The following RANBP17 variants were observed in gnomAD, a reference collection of about 807,000 sequenced individuals.
RANBP17 encodes the protein ran-binding protein 17.
Under a neutral mutation model 141.2 loss-of-function variants are expected in RANBP17, and 158 were observed. The ratio of observed to expected loss-of-function variants is 1.12; its 90% confidence interval spans 0.98 to 1.28. RANBP17 has a LOEUF of 1.28. Ranked by LOEUF, RANBP17 falls within the 50% of genes most tolerant of loss-of-function variation. RANBP17 has a pLI of 0.00. For synonymous variants in RANBP17, 430 were observed against 450.0 expected (o/e 0.96, Z 0.56); for missense variants, 1,438 against 1,290.7 (o/e 1.11, Z -1.75).
chr5:171,283,726 CAT>C (rs1198892966), intron 25 of RANBP17, among the ~76,000 whole-genome samples: 1 of 152,176 alleles, frequency 6.6e-6, no homozygotes, highest in East Asian at 1.9e-4. Flanking sequence ...AAGCAGTGTG[CAT>C]ATCCATGACA....
At chr5:170,952,176 C>T (rs764385602) in intron 12 of RANBP17, among the ~76,000 whole-genome samples, 11 of 151,992 alleles carry the variant, frequency 7.2e-5, no homozygotes, top group Admixed American at 1.3e-4. Context: ...TATATTGACC[C>T]TAAAACACTG....
intron 14 of RANBP17, among the ~76,000 whole-genome samples, chr5:171,168,666 T>C (rs1370074713): frequency 6.6e-6 from 1 of 152,150 alleles, no homozygotes; most frequent in Non-Finnish European, 1.5e-5. Flanking sequence ...TAGCTCCCTC[T>C]TTCCCCCAAA....
Position 171,183,413 on chromosome 5 carries a change from T to G in RANBP17, c.2021T>G (p.Leu674Arg). 3.7e-6 allele frequency: 6 copies of G among 1,612,608 alleles called. No individual in the cohort carries two copies. Among genetic ancestry groups the G allele is most frequent in the Non-Finnish European group, 5.1e-6 (6 of 1,178,610 alleles). Residue 674 changes from leucine (L) to arginine (R), a missense_variant, in exon 18 of 28, where the codon CTT (leucine) becomes CGT (arginine). Transcript: ENST00000523189. ...ACCTTCTACACAGCGCTCACTCGCCTTCTGATGGTAGATCTGGGTAAGGTT... is the reference window on the plus strand; with the variant it reads ...ACCTTCTACACAGCGCTCACTCGCCGTCTGATGGTAGATCTGGGTAAGGTT... ...RTTFYTALTR[L>R]LMVDLGEDED...
intron 25 of RANBP17, among the ~76,000 whole-genome samples, chr5:171,292,273 A>T (rs1768538709): frequency 6.6e-6 from 1 of 152,242 alleles, no homozygotes; most frequent in Non-Finnish European, 1.5e-5. Flanking sequence ...CCTAATTGAT[A>T]TGATGATGTA....
chr5:171,185,986 C>T (rs1380930518), intron 18 of RANBP17, among the ~76,000 whole-genome samples: 1 of 152,188 alleles, frequency 6.6e-6, no homozygotes, highest in African/African-American at 2.4e-5. Context: ...GTAAACCATG[C>T]TGTAAACAGA....
intron 1 of RANBP17, among the ~76,000 whole-genome samples, chr5:170,862,336 T>TG (rs1766863860): frequency 6.6e-6 from 1 of 151,976 alleles, no homozygotes; most frequent in African/African-American, 2.4e-5. Context: ...CCGGGGAAGG[T>TG]GCGGACGCCG....
intron 22 of RANBP17, among the ~76,000 whole-genome samples, chr5:171,229,989 C>T (rs191339309): frequency 2.1e-3 from 313 of 151,810 alleles, no homozygotes; most frequent in Non-Finnish European, 3.5e-3. Flanking sequence ...CGCTTGAACC[C>T]GGAAGGCAAA....
chr5:171,178,835 G>C (rs1288026701), intron 16 of RANBP17, among the ~76,000 whole-genome samples: 1 of 152,156 alleles, frequency 6.6e-6, no homozygotes, highest in Non-Finnish European at 1.5e-5. Flanking sequence ...AGAAGTGTCT[G>C]TTCCTATCCG....
chr5:170,979,017 A>G (rs1777582538), intron 14 of RANBP17, among the ~76,000 whole-genome samples: 1 of 152,136 alleles, frequency 6.6e-6, no homozygotes, highest in South Asian at 2.1e-4. Context: ...TTTTTGGGTA[A>G]CTCTATAAAA....
intron 14 of RANBP17, among the ~76,000 whole-genome samples, chr5:170,977,234 C>T (rs1403826544): frequency 6.6e-6 from 1 of 151,630 alleles, no homozygotes; most frequent in Non-Finnish European, 1.5e-5. Context: ...CCAACAAGGA[C>T]ATGGAAAGAT....
chr5:171,269,976 T>C (rs1405637019), intron 25 of RANBP17, among the ~76,000 whole-genome samples: 4 of 152,190 alleles, frequency 2.6e-5, no homozygotes, highest in Admixed American at 2.0e-4. Flanking sequence ...TTGAACTGTT[T>C]TTCCCCCCAA....
chr5:171,194,093 G>A (rs1200266986), intron 18 of RANBP17, among the ~76,000 whole-genome samples: 1 of 152,020 alleles, frequency 6.6e-6, no homozygotes, highest in Admixed American at 6.6e-5. Context: ...CAACTCCCCA[G>A]TAATCCAGCT....
chr5:171,054,183 G>A (rs1487807679), intron 14 of RANBP17, among the ~76,000 whole-genome samples: 1 of 151,718 alleles, frequency 6.6e-6, no homozygotes, highest in African/African-American at 2.4e-5. Flanking sequence ...TGACTGGTGT[G>A]GTTTGGTTTT....
At chr5:171,128,186 A>C (rs1213589739) in intron 14 of RANBP17, among the ~76,000 whole-genome samples, 1 of 152,154 alleles carries the variant, frequency 6.6e-6, no homozygotes, top group Admixed American at 6.6e-5. Flanking sequence ...TATATCAAAG[A>C]GACATCTGTA....
chr5:171,188,751 T>G (rs1381394457), intron 18 of RANBP17, among the ~76,000 whole-genome samples: 1 of 152,194 alleles, frequency 6.6e-6, no homozygotes, highest in Non-Finnish European at 1.5e-5. Flanking sequence ...TATGTATCTG[T>G]GGTAGGTTAA....
intron 14 of RANBP17, among the ~76,000 whole-genome samples, chr5:170,971,528 G>A (rs978421153): frequency 3.3e-5 from 5 of 152,106 alleles, no homozygotes; most frequent in African/African-American, 1.2e-4. Context: ...TTGGTATATT[G>A]CCTCCTTTTT....
chr5:171,246,553 T>G (rs868859900), intron 24 of RANBP17, among the ~76,000 whole-genome samples: 3 of 152,360 alleles, frequency 2.0e-5, no homozygotes, highest in South Asian at 2.1e-4. Context: ...AGCAGTTAAT[T>G]CTTCATGGAA....
chr5:171,082,197 T>C (rs938068985), intron 14 of RANBP17, among the ~76,000 whole-genome samples: 31 of 151,960 alleles, frequency 2.0e-4, no homozygotes, highest in African/African-American at 7.5e-4. Context: ...TAGAATATCT[T>C]ACCTTTGTTT....
chr5:171,090,622 A>C (rs1172380345), intron 14 of RANBP17, among the ~76,000 whole-genome samples: 3 of 151,722 alleles, frequency 2.0e-5, no homozygotes, highest in Non-Finnish European at 4.4e-5. Context: ...ACTTTGCAGC[A>C]GCTGCTCTCA....
Sources: allele counts gnomAD v4.1 joint callset (sites outside exome capture counted in the v4.1 genomes callset), GRCh38; gene constraint gnomAD v4.1.1; transcripts MANE v1.5; gene names NCBI Gene and HGNC (gene_info 2026-07-23, HGNC 2026-07-21).